CCAR1: variants seen among roughly 807,000 people sequenced by gnomAD.
CCAR1 encodes the protein cell division cycle and apoptosis regulator protein 1.
A neutral mutation model predicts 163.8 loss-of-function variants in CCAR1; 78 were observed. The observed-to-expected ratio is 0.48, with a 90% CI of 0.40 to 0.57. The LOEUF (loss-of-function observed/expected upper bound fraction) is 0.57. Among genes scored for constraint, CCAR1 ranks in the 20% least tolerant of loss-of-function variants. CCAR1 has a pLI of 0.00. For missense variants in CCAR1, 1,019 were observed against 1,365.2 expected, an observed-to-expected ratio of 0.75 and a Z score of 4.00; for synonymous variants, 443 against 460.7, an observed-to-expected ratio of 0.96 and a Z score of 0.49.
intron 2 of CCAR1, among the ~76,000 whole-genome samples, chr10:68,726,157 AT>A (rs34258590): frequency 2.9e-5 from 4 of 139,404 alleles, no homozygotes; most frequent in Admixed American, 7.5e-5. Flanking sequence ...CAGGGTTTTA[AT>A]TTTTTTTTTT....
rs2056271562 is a variant in CCAR1, at chr10:68,747,460, T to C, written c.720T>C (p.Thr240=). The change falls in exon 8 of 25, where the codon ACT becomes ACC. Residue 240 remains threonine (T), a synonymous_variant. Transcript: ENST00000265872. ...CACAGACAACATTTGGTGTTCAGAC[T>C]CAGCCCCAGCCCCAGTCACTGCTGC... ...IAPQTTFGVQ[T]QPQPQSLLQA... is the part of the protein sequence containing the mutation. 1 of 1,614,004 alleles carries C rather than the reference T, an allele frequency of 6.2e-7. No individual in the cohort carries two copies. The highest frequency in any genetic ancestry group is 1.3e-5 in the African/African-American group (1 of 74,936).
In CCAR1 at chr10:68,789,880, A is replaced by G. The variant is rs753879560; in HGVS notation, c.3358A>G (p.Thr1120Ala). The G allele has an allele frequency of 3.8e-6, 6 of 1,598,274 alleles. No individual in the cohort carries two copies. The African/African-American group carries it at 4.1e-5, about 11-fold the overall frequency. ...GAATAAGACAATCAGAAACTTATCT[A>G]CGGTAATGGATGAAATCCACACTGT... ...QMNKTIRNLS[T>A]VMDEIHTVLK... Residue 1120 changes from threonine (T) to alanine (A), a missense_variant, in exon 24 of 25, where the codon ACG becomes GCG. Thr to Ala is a moderately conservative substitution (Grantham distance 58). Around this residue, in one of 4 missense-constraint regions of CCAR1, gnomAD observed 358 missense variants for 406.4 expected, o/e 0.88. Coordinates refer to ENST00000265872, the MANE Select transcript of CCAR1 (RefSeq NM_018237.4).
chr10:68,730,899 C>G (rs1400162036), intron 2 of CCAR1, among the ~76,000 whole-genome samples: 4 of 152,056 alleles, frequency 2.6e-5, no homozygotes, highest in Admixed American at 6.6e-5. Context: ...TGTCTTGTTG[C>G]CCAGGCTGCC....
At chr10:68,783,366 G>C (rs2056758796) in intron 19 of CCAR1, among the ~76,000 whole-genome samples, 1 of 151,650 alleles carries the variant, frequency 6.6e-6, no homozygotes, top group South Asian at 2.1e-4. Context: ...GTAGAGACAG[G>C]ATTTCACCAC....
At chr10:68,731,959 T>A (rs1262047421) in intron 2 of CCAR1, among the ~76,000 whole-genome samples, 1 of 152,168 alleles carries the variant, frequency 6.6e-6, no homozygotes, top group Non-Finnish European at 1.5e-5. Context: ...GGGTATTGGA[T>A]GTCATCTTAC....
At chr10:68,733,167 T>G (rs1472999316) in intron 2 of CCAR1, among the ~76,000 whole-genome samples, 1 of 152,126 alleles carries the variant, frequency 6.6e-6, no homozygotes, top group African/African-American at 2.4e-5. Flanking sequence ...CCCAGCACTT[T>G]GGGAGGCCGA....
At chr10:68,760,669 C>G (rs1262342142) in intron 15 of CCAR1, 1 of 158,786 alleles carries the variant, frequency 6.3e-6, no homozygotes, top group Non-Finnish European at 1.4e-5. Flanking sequence ...GAGTTCGAGA[C>G]CAGCCTGACC....
intron 15 of CCAR1, among the ~76,000 whole-genome samples, chr10:68,757,957 G>A (rs534015432): frequency 7.3e-5 from 11 of 151,094 alleles, no homozygotes; most frequent in Non-Finnish European, 1.6e-4. Flanking sequence ...TAGCCATTAT[G>A]GTCTCAATCT....
At chr10:68,749,019 T>C in intron 8 of CCAR1, 117 bp from the exon 9 acceptor site, 10 of 1,274,062 alleles carry the variant, frequency 7.8e-6, no homozygotes, top group Non-Finnish European at 9.8e-6. Flanking sequence ...AGGCCAACTT[T>C]GAAAAAACAA....
intron 15 of CCAR1, among the ~76,000 whole-genome samples, chr10:68,757,902 G>A (rs771902774): frequency 1.1e-4 from 17 of 151,818 alleles, no homozygotes; most frequent in Non-Finnish European, 2.2e-4. Context: ...CACCACGCCC[G>A]GCTAATTGTT....
chr10:68,725,390 T>A (rs1397301119), intron 2 of CCAR1, among the ~76,000 whole-genome samples: 1 of 108,126 alleles, frequency 9.2e-6, no homozygotes. Context: ...AGAGTGAGAC[T>A]CCAGCTCAAA....
intron 2 of CCAR1, among the ~76,000 whole-genome samples, chr10:68,725,720 T>C (rs914278158): frequency 6.6e-6 from 1 of 152,192 alleles, no homozygotes; most frequent in Non-Finnish European, 1.5e-5. Context: ...GCTTAAAATA[T>C]CTTTTTTAAT....
At chr10:68,771,613 C>T (rs1030589473) in intron 18 of CCAR1, among the ~76,000 whole-genome samples, 168 bp downstream of exon 18, 1 of 152,018 alleles carries the variant, frequency 6.6e-6, no homozygotes, top group East Asian at 1.9e-4. Context: ...GAAACCTCGT[C>T]TCCACTAAAG....
chr10:68,730,345 A>G (rs539816317), intron 2 of CCAR1, among the ~76,000 whole-genome samples: 1 of 147,120 alleles, frequency 6.8e-6, no homozygotes, highest in African/African-American at 2.5e-5. Context: ...ATATATATAT[A>G]TTTATTTTTT....
In CCAR1 at chr10:68,751,120, C is replaced by T. The variant is rs982293429; in HGVS notation, c.1118+1435C>T. On this transcript the variant is annotated intron_variant, in intron 10 of 24. Coordinates refer to ENST00000265872, the MANE Select transcript of CCAR1 (RefSeq NM_018237.4). ...TTGGCTCCCTGCAACCTCTGCCTCC[C>T]AGGTTCAAGCAATTCTCCTCCCTCA... Among the ~76,000 whole-genome samples the T allele has an allele frequency of 5.3e-5, 8 of 151,936 alleles. No homozygotes were observed. In the East Asian group the frequency reaches 1.2e-3, roughly 22 times the overall value.
In CCAR1 at chr10:68,786,158, C is replaced by T; in HGVS notation, c.2673C>T (p.Thr891=). Residue 891 remains threonine (T), a synonymous_variant, in exon 20 of 25, where the codon ACC becomes ACT. Transcript: ENST00000265872. ...CAGATAGGGATGAGGAAGAAATGAC[C>T]AAACGAGATGACAAAAGAGATATCA... ...EEDDRDEEEM[T]KRDDKRDINR... 1 of 1,612,182 alleles carries T rather than the reference C, an allele frequency of 6.2e-7. No homozygotes were observed. The highest frequency in any genetic ancestry group is 8.5e-7 in the Non-Finnish European group (1 of 1,178,744).
In CCAR1 at chr10:68,757,314, T is replaced by C. The variant is rs761343057; in HGVS notation, c.1857T>C (p.Asp619=). ...GTCAGGATGAAGAAGAGAAGGATGA[T>C]GGTGAAGCTAAAGAAATTTCTACAC... ...DGEQDEEEKD[D]GEAKEISTPT... Residue 619 remains aspartate (D), a synonymous_variant, in exon 15 of 25, where the codon GAT becomes GAC. Coordinates refer to ENST00000265872, the MANE Select transcript of CCAR1 (RefSeq NM_018237.4). 2 of 1,574,568 alleles carry C rather than the reference T, an allele frequency of 1.3e-6. No individual in the cohort carries two copies. The highest frequency in any genetic ancestry group is 1.1e-5 in the South Asian group (1 of 89,938).
At chr10:68,758,986 A>G (rs1271688741) in intron 15 of CCAR1, among the ~76,000 whole-genome samples, 1 of 152,120 alleles carries the variant, frequency 6.6e-6, no homozygotes, top group Non-Finnish European at 1.5e-5. Context: ...GTCATTCATA[A>G]CATTGTTAGG....
rs200478008 is a variant in CCAR1 at position 68,755,584 on chromosome 10, A to T, written c.1625+48A>T. 5.3e-5 allele frequency: 80 copies of T among 1,510,546 alleles called. No homozygotes were observed. The African/African-American group carries it at 9.9e-4, about 19-fold the overall frequency. 93.6% of individuals were successfully genotyped at this position (1,510,546 alleles called of 1,614,324 possible). On this transcript the variant is annotated intron_variant, in intron 13 of 24. Transcript: ENST00000265872. ...ATTAGAAGTGTTTTACTGATAGTTT[A>T]TGTAGTTGTTCTTATCGATCAGCCT...
Sources: gnomAD v4.1 joint callset for allele counts (sites outside exome capture counted in the v4.1 genomes callset) on GRCh38, gnomAD v4.1.1 for gene constraint, gnomAD v4.1.1 regional missense constraint, MANE v1.5 for transcripts, NCBI Gene and HGNC (gene_info 2026-07-23, HGNC 2026-07-21) for gene names.